The following ZNF431 variants were observed in gnomAD, a reference collection of about 807,000 sequenced individuals.
The protein encoded by ZNF431 is zinc finger protein 431.
In ZNF431, 34 loss-of-function variants were observed where a neutral mutation model predicts 57.0. The ratio of observed to expected loss-of-function variants is 0.60; its 90% CI spans 0.45 to 0.79. The LOEUF is 0.79. Among genes scored for constraint, ZNF431 ranks in the 30% least tolerant of loss-of-function variants. The pLI is 0.00. For synonymous variants in ZNF431, 207 were observed against 220.3 expected (o/e 0.94, Z 0.54); for missense variants, 607 against 667.1 (o/e 0.91, Z 0.99).
intron 4 of ZNF431, among the ~76,000 whole-genome samples, chr19:21,176,858 G>A (rs1365779118): frequency 1.3e-5 from 2 of 151,828 alleles, no homozygotes; most frequent in Non-Finnish European, 2.9e-5. Context: ...CACCATGCCC[G>A]GCTAATTTTT....
intron 4 of ZNF431, among the ~76,000 whole-genome samples, chr19:21,182,288 A>G (rs537694884): frequency 6.6e-6 from 1 of 152,288 alleles, no homozygotes; most frequent in African/African-American, 2.4e-5. Context: ...AAAGTTAGCA[A>G]TTTACTTTGA....
rs1308533210 is a variant in ZNF431 at position 21,183,304 on chromosome 19, A to G, written c.1001A>G (p.His334Arg). 4.3e-6 allele frequency: 7 copies of G among 1,613,890 alleles called. No homozygotes were observed. The highest frequency in any genetic ancestry group is 1.7e-5 in the Admixed American group (1 of 59,996). ...AFNQSSTLST[H>R]KFIHAGEKPY... ...AACCAGTCTTCAACCCTTAGTACAC[A>G]TAAGTTCATTCATGCTGGAGAGAAA... The change falls in exon 5 of 5, where the codon CAT becomes CGT. Residue 334 changes from histidine (H) to arginine (R), a missense_variant. His to Arg is a conservative substitution (Grantham distance 29, BLOSUM62 0). Transcript: ENST00000311048.
At chr19:21,152,683 G>A (rs1246873035) in intron 2 of ZNF431, among the ~76,000 whole-genome samples, 2 of 152,130 alleles carry the variant, frequency 1.3e-5, no homozygotes, top group African/African-American at 4.8e-5. Context: ...TTAACCCACT[G>A]TGTCTTAGGA....
chr19:21,144,712 G>T, intron 2 of ZNF431, among the ~76,000 whole-genome samples: 1 of 152,002 alleles, frequency 6.6e-6, no homozygotes, highest in East Asian at 1.9e-4. Flanking sequence ...AGCTACCAAG[G>T]AAAAGAATAG....
chr19:21,168,168 A>G (rs1267284919), intron 4 of ZNF431, among the ~76,000 whole-genome samples: 2 of 152,122 alleles, frequency 1.3e-5, no homozygotes, highest in African/African-American at 2.4e-5. Context: ...GAAATTATAA[A>G]TTATGATGTC....
At chr19:21,173,811 G>C (rs1970973991) in intron 4 of ZNF431, among the ~76,000 whole-genome samples, 1 of 152,094 alleles carries the variant, frequency 6.6e-6, no homozygotes, top group Non-Finnish European at 1.5e-5. Flanking sequence ...ACATGCGTGA[G>C]CCACCACGCC....
At chr19:21,160,781 G>C (rs1311202020) in intron 2 of ZNF431, among the ~76,000 whole-genome samples, 2 of 152,194 alleles carry the variant, frequency 1.3e-5, no homozygotes, top group Non-Finnish European at 2.9e-5. Flanking sequence ...GTACCAAGAT[G>C]AGAGTTTCTC....
Position 21,186,052 on chromosome 19 carries a change from G to A in ZNF431, c.*2018G>A, listed in dbSNP as rs982453328. On this transcript the variant is annotated 3_prime_UTR_variant, in exon 5 of 5. Coordinates refer to ENST00000311048, the MANE Select transcript of ZNF431 (RefSeq NM_133473.4). Reference sequence around the variant, plus strand: ...ATCCCAGCACTTTGACAGGCTGAGCGAGGGAGTGGATCTTGAGGTCAGCAG... The same window carrying A: ...ATCCCAGCACTTTGACAGGCTGAGCAAGGGAGTGGATCTTGAGGTCAGCAG... 10 of 152,068 alleles carry A rather than the reference G, an allele frequency of 6.6e-5. No homozygotes were observed. Among genetic ancestry groups the A allele is most frequent in the African/African-American group, 9.7e-5 (4 of 41,406 alleles). 9.4% of individuals were successfully genotyped at this position (152,068 alleles called of 1,614,324 possible).
rs184555776 is a variant in ZNF431, at chr19:21,192,743, T to C, written c.*8709T>C. On this transcript the variant is annotated 3_prime_UTR_variant, in exon 5 of 5. Coordinates refer to ENST00000311048, the MANE Select transcript of ZNF431 (RefSeq NM_133473.4). ...AGTTTTTTTGGTTATATATGGCATT[T>C]ATTGGCTGAAGTGCATTTGTTCTAT... The C allele has an allele frequency of 6.6e-6, 1 of 152,310 alleles. No individual in the cohort carries two copies. Among genetic ancestry groups the C allele is most frequent in the African/African-American group, 2.4e-5 (1 of 41,566 alleles). The allele number at this position is 152,310 out of a possible 1,614,324, so 9.4% of individuals were successfully genotyped here.
chr19:21,176,082 C>T (rs923120815), intron 4 of ZNF431, among the ~76,000 whole-genome samples: 4 of 152,196 alleles, frequency 2.6e-5, no homozygotes, highest in Non-Finnish European at 4.4e-5. Flanking sequence ...GCCTCCCCAC[C>T]ATCTGTTATT....
intron 4 of ZNF431, among the ~76,000 whole-genome samples, chr19:21,170,369 CCTT>C (rs1214161720): frequency 1.3e-5 from 2 of 151,970 alleles, no homozygotes; most frequent in African/African-American, 4.8e-5. Flanking sequence ...AAATAGAGCA[CCTT>C]CTATTTTTTT....
intron 2 of ZNF431, among the ~76,000 whole-genome samples, chr19:21,147,206 G>A (rs1271928102): frequency 3.3e-5 from 5 of 152,260 alleles, no homozygotes; most frequent in Admixed American, 1.3e-4. Flanking sequence ...AACATCTGTT[G>A]CTGGGCACAG....
At position 21,162,712 on chromosome 19, in the gene ZNF431, C is replaced by T. The variant is rs556085985; in HGVS notation, c.97-3623C>T. On this transcript the variant is annotated intron_variant, in intron 2 of 4. Coordinates refer to ENST00000311048, the MANE Select transcript of ZNF431 (RefSeq NM_133473.4). ...AGTTTTTGCTGGTGAATCCTGCTGC[C>T]TTTCTAGAGCTGGTGCTCAAAATTT... 3.7e-5 allele frequency: 36 copies of T among 985,382 alleles called. No homozygotes were observed. The South Asian group carries it at 1.6e-3, about 42-fold the overall frequency. 61.0% of individuals were successfully genotyped at this position (985,382 alleles called of 1,614,324 possible).
intron 4 of ZNF431, among the ~76,000 whole-genome samples, chr19:21,180,434 C>T (rs1223685552): frequency 6.6e-6 from 1 of 152,134 alleles, no homozygotes; most frequent in Non-Finnish European, 1.5e-5. Context: ...TCCACTTATG[C>T]AGACTTACTA....
At position 21,157,656 on chromosome 19, in the gene ZNF431, C is replaced by T. The variant is rs189072149; in HGVS notation, c.97-8679C>T. Among the ~76,000 whole-genome samples the T allele has an allele frequency of 2.8e-3, 426 of 151,950 alleles. 4 individuals are homozygous for T. Among genetic ancestry groups the T allele is most frequent in the East Asian group, 0.027 (139 of 5,142 alleles). ...AAGCTATTCTCCTGCCTCAGCCTCCCGAGTAGCTGGGATTACAGGTGTGCG... is the reference window on the plus strand; with the variant it reads ...AAGCTATTCTCCTGCCTCAGCCTCCTGAGTAGCTGGGATTACAGGTGTGCG... On this transcript the variant is annotated intron_variant, in intron 2 of 4. Coordinates refer to ENST00000311048, the MANE Select transcript of ZNF431 (RefSeq NM_133473.4).
At chr19:21,149,044 A>G (rs1330729655) in intron 2 of ZNF431, among the ~76,000 whole-genome samples, 2 of 152,214 alleles carry the variant, frequency 1.3e-5, no homozygotes, top group South Asian at 2.1e-4. Flanking sequence ...ACCATCTACA[A>G]TATGTTTGGG....
At chr19:21,155,159 A>T in intron 2 of ZNF431, among the ~76,000 whole-genome samples, 1 of 152,182 alleles carries the variant, frequency 6.6e-6, no homozygotes, top group Non-Finnish European at 1.5e-5. Flanking sequence ...TTTAGGTCTA[A>T]CATTTAAGTC....
chr19:21,146,547 A>G (rs1041910080), intron 2 of ZNF431, among the ~76,000 whole-genome samples: 1 of 152,136 alleles, frequency 6.6e-6, no homozygotes, highest in Admixed American at 6.5e-5. Flanking sequence ...CAAGGGATGG[A>G]TTATTTATGC....
At chr19:21,171,785 A>G (rs1970901077) in intron 4 of ZNF431, among the ~76,000 whole-genome samples, 1 of 142,758 alleles carries the variant, frequency 7.0e-6, no homozygotes, top group African/African-American at 2.6e-5. Context: ...CAGTGGCACA[A>G]TCTCGGCTCA....
Sources: allele counts gnomAD v4.1 joint callset (sites outside exome capture counted in the v4.1 genomes callset), GRCh38; gene constraint gnomAD v4.1.1; transcripts MANE v1.5; gene names NCBI Gene and HGNC (gene_info 2026-07-23, HGNC 2026-07-21).